Variants in CORO1C observed in about 807,000 individuals in gnomAD.
CORO1C encodes the protein coronin-1C.
Under a neutral mutation model 51.2 loss-of-function variants are expected in CORO1C, and 14 were observed. The ratio of observed to expected loss-of-function variants is 0.27; its 90% CI spans 0.18 to 0.43. CORO1C has a LOEUF of 0.43. CORO1C is among the 20% of genes least tolerant of loss of function. CORO1C has a pLI of 1.00. For synonymous variants in CORO1C, 181 were observed against 210.5 expected, an observed-to-expected ratio of 0.86 and a Z score of 1.21; for missense variants, 417 against 607.8, an observed-to-expected ratio of 0.69 and a Z score of 3.30.
At chr12:108,702,939 G>A in intron 1 of CORO1C, 1 of 1,532,860 alleles carries the variant, frequency 6.5e-7, no homozygotes, top group Non-Finnish European at 8.7e-7. Flanking sequence ...CTGACTACCA[G>A]GGCCATACAT....
chr12:108,655,156 C>A (rs187783173), intron 6 of CORO1C, among the ~76,000 whole-genome samples: 97 of 152,140 alleles, frequency 6.4e-4, no homozygotes, highest in African/African-American at 2.2e-3. Context: ...TATTTCCTTC[C>A]GACACATGTA....
chr12:108,665,158 G>A (rs1030718524), intron 3 of CORO1C, among the ~76,000 whole-genome samples: 1 of 152,114 alleles, frequency 6.6e-6, no homozygotes, highest in African/African-American at 2.4e-5. Flanking sequence ...AAAATATGAG[G>A]GCAGAAGCAG....
At chr12:108,673,453 G>A (rs1034347421) in intron 3 of CORO1C, among the ~76,000 whole-genome samples, 2 of 152,228 alleles carry the variant, frequency 1.3e-5, no homozygotes, top group African/African-American at 4.8e-5. Flanking sequence ...AAGTACAAGG[G>A]AAAGCAGCAA....
At chr12:108,657,787 A>G (rs551776399) in intron 5 of CORO1C, among the ~76,000 whole-genome samples, 1 of 152,346 alleles carries the variant, frequency 6.6e-6, no homozygotes, top group African/African-American at 2.4e-5. Flanking sequence ...ATGCCCTACC[A>G]TTTCTACCAA....
chr12:108,689,705 C>G (rs1159802019), intron 2 of CORO1C, among the ~76,000 whole-genome samples: 1 of 152,230 alleles, frequency 6.6e-6, no homozygotes, highest in Non-Finnish European at 1.5e-5. Context: ...ACTCAAAGAA[C>G]AGTTAAAAGA....
At chr12:108,652,893 A>C (rs952418203) in intron 7 of CORO1C, 5 of 67,774 alleles carry the variant, frequency 7.4e-5, no homozygotes, top group African/African-American at 3.2e-4. Context: ...GAAGAAACTC[A>C]GTTTTAGTGA....
At chr12:108,679,170 T>TA (rs35452794) in intron 2 of CORO1C, among the ~76,000 whole-genome samples, 29,337 of 106,562 alleles carry the variant, frequency 0.28, 4,669 homozygotes, top group Non-Finnish European at 0.4. Flanking sequence ...TTTAAAAAGT[T>TA]AAAAAAAAAA....
At chr12:108,657,513 T>C (rs2033079323) in intron 5 of CORO1C, 90 bp from the exon 6 acceptor site, 1 of 1,373,934 alleles carries the variant, frequency 7.3e-7, no homozygotes, top group South Asian at 1.3e-5. Flanking sequence ...CCTCACCAAC[T>C]GCCATTCATG....
chr12:108,657,099 C>T (rs917832382), intron 6 of CORO1C, among the ~76,000 whole-genome samples: 3 of 152,142 alleles, frequency 2.0e-5, no homozygotes, highest in African/African-American at 4.8e-5. Flanking sequence ...TCAACAGCCT[C>T]TTCAGGAGTA....
intron 2 of CORO1C, among the ~76,000 whole-genome samples, chr12:108,686,595 A>G (rs1049457294): frequency 1.3e-5 from 2 of 152,226 alleles, no homozygotes; most frequent in African/African-American, 4.8e-5. Flanking sequence ...GCTTTAAATA[A>G]ATTTTGATTC....
chr12:108,648,130 C>G (rs1218982278), intron 10 of CORO1C, among the ~76,000 whole-genome samples: 1 of 152,112 alleles, frequency 6.6e-6, no homozygotes, highest in Non-Finnish European at 1.5e-5. Context: ...GTTGCCAGCC[C>G]CACACCGCCA....
intron 3 of CORO1C, among the ~76,000 whole-genome samples, chr12:108,669,169 C>T (rs1017995112): frequency 6.6e-6 from 1 of 152,210 alleles, no homozygotes; most frequent in African/African-American, 2.4e-5. Flanking sequence ...TCTCCTAAAA[C>T]TGCAAAGTAG....
At chr12:108,729,300 A>G (rs1398124604) in intron 1 of CORO1C, among the ~76,000 whole-genome samples, 1 of 152,224 alleles carries the variant, frequency 6.6e-6, no homozygotes, top group Non-Finnish European at 1.5e-5. Context: ...CTATATATAA[A>G]TAAGTATAAA....
chr12:108,658,936 C>A lies in CORO1C; in HGVS notation c.449-17G>T. On this transcript the variant is annotated splice_polypyrimidine_tract_variant and intron_variant, in intron 4 of 10. Transcript: ENST00000261401. This position sits in a 1 kb window ranked among gnomAD's most constrained non-coding sequence, Gnocchi z 4.9. ...TATCACAGCCTAAAACAGGCAAAAC[C>A]ATCAGAGATTAGAAGATTAGAAACA... 1 of 1,596,484 alleles carries A rather than the reference C, an allele frequency of 6.3e-7. No homozygotes were observed. The highest frequency in any genetic ancestry group is 8.6e-7 in the Non-Finnish European group (1 of 1,165,332).
intron 2 of CORO1C, among the ~76,000 whole-genome samples, chr12:108,686,051 G>T (rs955655416): frequency 5.3e-5 from 8 of 152,180 alleles, no homozygotes; most frequent in Admixed American, 1.3e-4. Flanking sequence ...AACTGCTGAG[G>T]GCTCCAGTTC....
chr12:108,673,443 A>C (rs2033790665), intron 3 of CORO1C, among the ~76,000 whole-genome samples: 1 of 152,244 alleles, frequency 6.6e-6, no homozygotes, highest in Non-Finnish European at 1.5e-5. Flanking sequence ...CATTATATAA[A>C]AGTACAAGGG....
At chr12:108,729,290 C>A (rs1246747156) in intron 1 of CORO1C, among the ~76,000 whole-genome samples, 1 of 152,140 alleles carries the variant, frequency 6.6e-6, no homozygotes, top group Non-Finnish European at 1.5e-5. Context: ...TAATCCTAAA[C>A]TATATATAAA....
intron 2 of CORO1C, among the ~76,000 whole-genome samples, chr12:108,686,697 T>G (rs542607168): frequency 6.6e-6 from 1 of 152,218 alleles, no homozygotes; most frequent in Non-Finnish European, 1.5e-5. Flanking sequence ...ATTACTAGCA[T>G]GTCAACCCAA....
intron 1 of CORO1C, among the ~76,000 whole-genome samples, chr12:108,712,570 CAAAAAAA>C (rs138128974): frequency 7.5e-5 from 5 of 66,534 alleles, no homozygotes; most frequent in Non-Finnish European, 1.1e-4. Context: ...GAAACTGTCT[CAAAAAAA>C]AAAAAAAAAA....
Sources: allele counts gnomAD v4.1 joint callset (sites outside exome capture counted in the v4.1 genomes callset), GRCh38; gene constraint gnomAD v4.1.1; non-coding constraint Gnocchi (gnomAD v3.1); transcripts MANE v1.5; gene names NCBI Gene and HGNC (gene_info 2026-07-23, HGNC 2026-07-21).